The following MOSMO variants were observed in gnomAD, a reference collection of about 807,000 sequenced individuals.
MOSMO encodes modulator of smoothened protein.
MOSMO carries 5 observed loss-of-function variants against 18.4 expected under a neutral mutation model. The observed-to-expected ratio is 0.27, with a 90% confidence interval of 0.14 to 0.57. The LOEUF (loss-of-function observed/expected upper bound fraction) is 0.57, where lower values mean the gene tolerates loss of function less well. Ranked by LOEUF, MOSMO falls within the 20% of genes least tolerant of loss-of-function variation. The pLI is 0.92. For missense variants in MOSMO, 138 were observed against 211.8 expected (o/e 0.65, Z 2.16); for synonymous variants, 82 against 82.3 (o/e 1.00, Z 0.02).
At chr16:22,019,099 G>T (rs1458377840) in intron 1 of MOSMO, among the ~76,000 whole-genome samples, 7 of 152,156 alleles carry the variant, frequency 4.6e-5, no homozygotes, top group Non-Finnish European at 7.3e-5. Context: ...CTTGCCTAAT[G>T]TCACACAGTG....
intron 1 of MOSMO, among the ~76,000 whole-genome samples, chr16:22,072,245 A>T (rs1204388573): frequency 2.0e-5 from 3 of 152,198 alleles, no homozygotes; most frequent in African/African-American, 7.2e-5. Flanking sequence ...AAGTTCGGGT[A>T]CTAACAGACC....
chr16:22,057,121 G>T (rs1900552878), intron 1 of MOSMO, among the ~76,000 whole-genome samples: 1 of 152,194 alleles, frequency 6.6e-6, no homozygotes, highest in South Asian at 2.1e-4. Flanking sequence ...GAGAGAGAGA[G>T]AGTATAATGT....
intron 1 of MOSMO, among the ~76,000 whole-genome samples, chr16:22,030,653 C>T (rs1899975417): frequency 6.6e-6 from 1 of 152,114 alleles, no homozygotes; most frequent in Non-Finnish European, 1.5e-5. Flanking sequence ...TCTCAACCTC[C>T]CAAGTAGCTG....
intron 1 of MOSMO, among the ~76,000 whole-genome samples, chr16:22,020,640 G>A (rs1171793987): frequency 6.6e-6 from 1 of 152,120 alleles, no homozygotes; most frequent in Admixed American, 6.5e-5. Context: ...AGGTTGTTTT[G>A]TTGATTCTCT....
intron 1 of MOSMO, among the ~76,000 whole-genome samples, chr16:22,013,576 G>A (rs1899577008): frequency 6.6e-6 from 1 of 151,960 alleles, no homozygotes; most frequent in African/African-American, 2.4e-5. Flanking sequence ...AAATATAAAT[G>A]GTCTGCAGAT....
intron 1 of MOSMO, among the ~76,000 whole-genome samples, chr16:22,020,602 T>TA: frequency 6.6e-6 from 1 of 152,260 alleles, no homozygotes; most frequent in Non-Finnish European, 1.5e-5. Context: ...GCCCTGACTT[T>TA]AATATTATAA....
intron 1 of MOSMO, among the ~76,000 whole-genome samples, chr16:22,045,302 T>C (rs1483453162): frequency 6.6e-6 from 1 of 152,086 alleles, no homozygotes; most frequent in Non-Finnish European, 1.5e-5. Flanking sequence ...TAGTGTAAAG[T>C]TTGGGTATTT....
downstream of MOSMO, among the ~76,000 whole-genome samples, chr16:22,091,322 C>G (rs1901317498): frequency 6.6e-6 from 1 of 152,188 alleles, no homozygotes; most frequent in Admixed American, 6.5e-5. Flanking sequence ...GGCCTATAGG[C>G]ATGGCTGCTG....
At chr16:22,048,339 T>G (rs1900356340) in intron 1 of MOSMO, among the ~76,000 whole-genome samples, 1 of 152,214 alleles carries the variant, frequency 6.6e-6, no homozygotes, top group Non-Finnish European at 1.5e-5. Context: ...ATGTTAACAC[T>G]GTATAAGAGT....
intron 1 of MOSMO, among the ~76,000 whole-genome samples, chr16:22,016,677 C>T (rs1899644293): frequency 6.6e-6 from 1 of 152,144 alleles, no homozygotes; most frequent in Admixed American, 6.5e-5. Context: ...TTGGGGCAAA[C>T]CAACATGTAG....
At chr16:22,039,113 G>T (rs572384594) in intron 1 of MOSMO, among the ~76,000 whole-genome samples, 3 of 152,108 alleles carry the variant, frequency 2.0e-5, no homozygotes, top group Admixed American at 1.3e-4. Flanking sequence ...CCTTCTCTAA[G>T]CTTCAGTTTC....
intron 1 of MOSMO, among the ~76,000 whole-genome samples, chr16:22,036,662 A>G (rs1444738262): frequency 6.6e-6 from 1 of 152,040 alleles, no homozygotes; most frequent in Non-Finnish European, 1.5e-5. Context: ...GCCTAGGCTG[A>G]TCTCCAGCTA....
chr16:22,083,612 T>C lies in MOSMO; in HGVS notation c.*2732T>C. 2.2e-6 allele frequency: 1 copy of C among 451,818 alleles called. No homozygotes were observed. The highest frequency in any genetic ancestry group is 1.6e-5 in the South Asian group (1 of 63,200). 28.0% of individuals were successfully genotyped at this position (451,818 alleles called of 1,614,324 possible). A position where few individuals can be genotyped will look rare whatever the true frequency, so the allele number is the denominator to read the frequency against. ...GCAGGAAATCGTATCTTGTAAACTG[T>C]ATATAAAACACTGTTTTATGGTGCA... On this transcript the variant is annotated 3_prime_UTR_variant, in exon 3 of 3. Coordinates refer to ENST00000542527, the MANE Select transcript of MOSMO (RefSeq NM_001164579.2).
chr16:22,008,509 G>C, intron 1 of MOSMO, 102 bp downstream of exon 1: 1 of 736,814 alleles, frequency 1.4e-6, no homozygotes, highest in Non-Finnish European at 2.0e-6. Context: ...GGTCCCGGCC[G>C]GAGGCTAGCC....
At chr16:22,050,919 A>T (rs1900412735) in intron 1 of MOSMO, among the ~76,000 whole-genome samples, 1 of 151,234 alleles carries the variant, frequency 6.6e-6, no homozygotes, top group South Asian at 2.1e-4. Flanking sequence ...AATGCTGCTG[A>T]GGTTGAGAAA....
At chr16:22,058,294 C>G (rs548362648) in intron 1 of MOSMO, among the ~76,000 whole-genome samples, 1 of 151,880 alleles carries the variant, frequency 6.6e-6, no homozygotes, top group Admixed American at 6.6e-5. Context: ...GGCGTGATGG[C>G]GTGCTCCTGT....
chr16:22,041,282 T>C (rs550060720), intron 1 of MOSMO, among the ~76,000 whole-genome samples: 110 of 152,320 alleles, frequency 7.2e-4, no homozygotes, highest in Non-Finnish European at 1.3e-3. Context: ...CTTGCCTTGT[T>C]TTGTTTTTTT....
At chr16:22,012,008 C>T (rs537288871) in intron 1 of MOSMO, among the ~76,000 whole-genome samples, 9 of 150,984 alleles carry the variant, frequency 6.0e-5, no homozygotes, top group Non-Finnish European at 1.0e-4. Flanking sequence ...CAAGTAAGAT[C>T]TCAGTGGTGA....
At chr16:22,073,131 C>T (rs1182230659) in intron 1 of MOSMO, among the ~76,000 whole-genome samples, 1 of 152,018 alleles carries the variant, frequency 6.6e-6, no homozygotes, top group Non-Finnish European at 1.5e-5. Context: ...TCATTTCTAA[C>T]GCTGAGAGAG....
Sources: allele counts gnomAD v4.1 joint callset (sites outside exome capture counted in the v4.1 genomes callset), GRCh38; gene constraint gnomAD v4.1.1; transcripts MANE v1.5; gene names NCBI Gene and HGNC (gene_info 2026-07-23, HGNC 2026-07-21).